FBXO11: variants seen among roughly 807,000 people sequenced by gnomAD.
FBXO11 encodes the protein F-box only protein 11.
In FBXO11, 13 loss-of-function variants were observed where a neutral mutation model predicts 117.0. The ratio of observed to expected loss-of-function variants is 0.11; its 90% CI spans 0.07 to 0.18. The LOEUF is 0.18. Ranked by LOEUF, FBXO11 falls within the 10% of genes least tolerant of loss-of-function variation. The pLI, the probability that FBXO11 is intolerant of heterozygous loss-of-function variation, is 1.00. For synonymous variants in FBXO11, 490 were observed against 380.5 expected, an observed-to-expected ratio of 1.29 and a Z score of -3.35; for missense variants, 767 against 1,164.4, an observed-to-expected ratio of 0.66 and a Z score of 4.97.
intron 1 of FBXO11, among the ~76,000 whole-genome samples, chr2:47,849,324 T>C (rs370879686): frequency 3.3e-5 from 5 of 152,372 alleles, no homozygotes; most frequent in East Asian, 3.8e-4. Context: ...GATTTTATAG[T>C]TACATTTTAA....
intron 4 of FBXO11, 81 bp downstream of exon 4, chr2:47,838,778 G>C: frequency 7.4e-7 from 1 of 1,347,696 alleles, no homozygotes; most frequent in Admixed American, 2.0e-5. Flanking sequence ...CCAACTCACC[G>C]CACCGACTTT....
Position 47,892,821 on chromosome 2 carries a change from T to C in FBXO11, c.232+12668A>G, listed in dbSNP as rs189235572. 5.9e-3 allele frequency among the ~76,000 whole-genome samples: 905 copies of C among 152,262 alleles called. 7 individuals carry two copies. Among genetic ancestry groups the C allele is most frequent in the African/African-American group, 0.021 (866 of 41,560 alleles). On this transcript the variant is annotated intron_variant, in intron 1 of 22. Coordinates refer to ENST00000403359, the MANE Select transcript of FBXO11 (RefSeq NM_001190274.2). ...GCTAATACCACAAAAGCAAGATTAA[T>C]AACCCCAACTCTGCAGTTAATTTTC...
Position 47,822,320 on chromosome 2 carries a change from T to TAA in FBXO11, c.1617-19_1617-18dup. 1.3e-6 allele frequency: 2 copies of TAA among 1,493,634 alleles called. No individual in the cohort carries two copies. Among genetic ancestry groups the TAA allele is most frequent in the Non-Finnish European group, 1.8e-6 (2 of 1,095,714 alleles). The allele number at this position is 1,493,634 out of a possible 1,614,324, so 92.5% of individuals were successfully genotyped here. On this transcript the variant is annotated splice_polypyrimidine_tract_variant and intron_variant, in intron 12 of 22. Transcript: ENST00000403359. ...GAATTTCCCCTATAATTATGCGAAATAAAAAAAAAGAAGACATCTATTCAG... is the reference window on the plus strand; with the variant it reads ...GAATTTCCCCTATAATTATGCGAAATAAAAAAAAAAAGAAGACATCTATTCAG...
At chr2:47,808,733 A>G in intron 21 of FBXO11, 1 of 329,210 alleles carries the variant, frequency 3.0e-6, no homozygotes, top group South Asian at 7.3e-5. Flanking sequence ...CAAAACTGTC[A>G]CAGTGACTGG....
chr2:47,882,601 G>A (rs1160730576), intron 1 of FBXO11, among the ~76,000 whole-genome samples: 6 of 152,044 alleles, frequency 3.9e-5, no homozygotes, highest in African/African-American at 1.4e-4. Flanking sequence ...CTCTTATTAT[G>A]TTTTCCTTGG....
chr2:47,846,996 G>T (rs1673469341), intron 1 of FBXO11, among the ~76,000 whole-genome samples: 2 of 152,160 alleles, frequency 1.3e-5, no homozygotes, highest in Admixed American at 6.5e-5. Context: ...TGTAATCCCT[G>T]CACTTTAGGA....
intron 16 of FBXO11, among the ~76,000 whole-genome samples, chr2:47,818,167 T>C (rs539418637): frequency 1.3e-5 from 2 of 152,162 alleles, no homozygotes; most frequent in Admixed American, 1.3e-4. Flanking sequence ...GACATAATGA[T>C]AATGAAAAAA....
chr2:47,848,299 T>G (rs750350766), intron 1 of FBXO11, among the ~76,000 whole-genome samples: 33 of 152,308 alleles, frequency 2.2e-4, no homozygotes, highest in South Asian at 1.0e-3. Context: ...GAGCTCCGCC[T>G]CCTGTCAGAT....
intron 19 of FBXO11, chr2:47,809,913 C>T (rs369189630): frequency 3.7e-5 from 20 of 540,040 alleles, no homozygotes; most frequent in East Asian, 1.8e-4. Context: ...AATTAACTTT[C>T]GCACCAACCT....
intron 4 of FBXO11, among the ~76,000 whole-genome samples, chr2:47,837,897 CTT>C (rs1357611900): frequency 2.0e-5 from 3 of 151,878 alleles, no homozygotes; most frequent in African/African-American, 7.3e-5. Context: ...CACCTGGCCT[CTT>C]TTCACTTTTT....
chr2:47,855,378 T>C (rs1378669642), intron 1 of FBXO11, among the ~76,000 whole-genome samples: 1 of 152,138 alleles, frequency 6.6e-6, no homozygotes, highest in Non-Finnish European at 1.5e-5. Context: ...AGATGGGGTC[T>C]CACCATGTTC....
Position 47,835,988 on chromosome 2 carries a change from T to C in FBXO11, c.601A>G (p.Met201Val). 2 of 1,599,942 alleles carry C rather than the reference T, an allele frequency of 1.3e-6. No individual in the cohort carries two copies. The highest frequency in any genetic ancestry group is 1.7e-6 in the Non-Finnish European group (2 of 1,173,318). The part of the protein sequence containing the change: ...NDPILWKRLY[M>V]EVFEYTRPMM... ...GGGCGAGTATATTCAAATACTTCCATATATAATCGTTTCCTGAACAGAGAA... is the reference window on the plus strand; with the variant it reads ...GGGCGAGTATATTCAAATACTTCCACATATAATCGTTTCCTGAACAGAGAA... The change falls in exon 5 of 23, where the codon ATG becomes GTG. Residue 201 changes from methionine to valine, a missense_variant. By Grantham distance (21) the Met-to-Val change is conservative. Coordinates refer to ENST00000403359, the MANE Select transcript of FBXO11 (RefSeq NM_001190274.2).
chr2:47,889,592 C>T (rs1219608362), intron 1 of FBXO11, among the ~76,000 whole-genome samples: 1 of 151,442 alleles, frequency 6.6e-6, no homozygotes, highest in Non-Finnish European at 1.5e-5. Flanking sequence ...TACTTATTCC[C>T]AAACACATTC....
intron 1 of FBXO11, among the ~76,000 whole-genome samples, chr2:47,894,987 T>G (rs932493725): frequency 5.9e-5 from 9 of 152,130 alleles, no homozygotes; most frequent in Non-Finnish European, 1.2e-4. Flanking sequence ...TAAAATAAAA[T>G]AATTTCCAAT....
At chr2:47,822,324 A>G in intron 12 of FBXO11, 21 bp from the exon 13 acceptor site, 1 of 1,481,954 alleles carries the variant, frequency 6.7e-7, no homozygotes, top group Non-Finnish European at 9.3e-7. Context: ...GCGAAATAAA[A>G]AAAAAGAAGA....
chr2:47,808,412 G>A lies in FBXO11; in HGVS notation c.2571C>T (p.Asn857=). ...MHDFYRCHTC[N]TTDRNAICVN... is the part of the protein sequence containing the mutation. ...CACATATGGCATTTCGATCTGTGGT[G>A]TTACAAGTATGACATCTAAAAAGCA... is the stretch of plus-strand genomic sequence containing the variant. The change falls in exon 22 of 23, where the codon AAC becomes AAT. Residue 857 remains asparagine (N), a synonymous_variant. Coordinates refer to ENST00000403359, the MANE Select transcript of FBXO11 (RefSeq NM_001190274.2). The A allele has an allele frequency of 6.3e-7, 1 of 1,595,420 alleles. No individual in the cohort carries two copies. Among genetic ancestry groups the A allele is most frequent in the East Asian group, 2.2e-5 (1 of 44,706 alleles).
At chr2:47,884,753 G>GCATT (rs1314185984) in intron 1 of FBXO11, among the ~76,000 whole-genome samples, 3 of 152,126 alleles carry the variant, frequency 2.0e-5, no homozygotes, top group Non-Finnish European at 2.9e-5. Flanking sequence ...GATTATTGAT[G>GCATT]CATTATAATT....
intron 1 of FBXO11, among the ~76,000 whole-genome samples, chr2:47,886,880 A>C (rs377290902): frequency 1.1e-4 from 17 of 152,346 alleles, no homozygotes; most frequent in African/African-American, 4.1e-4. Context: ...ACCAAAAAAA[A>C]AATTAAAAAT....
Position 47,806,964 on chromosome 2 carries a change from A to G in FBXO11, c.*1154T>C. ...ATTTTTTAAAAATGACCATTTTTCC[A>G]TTTTCTTTCTAGGAAATTAAACCCT... On this transcript the variant is annotated 3_prime_UTR_variant, in exon 23 of 23. Coordinates refer to ENST00000403359, the MANE Select transcript of FBXO11 (RefSeq NM_001190274.2). The G allele has an allele frequency of 1.1e-6, 1 of 915,124 alleles. No individual in the cohort carries two copies. The highest frequency in any genetic ancestry group is 1.7e-6 in the Non-Finnish European group (1 of 573,264). 56.7% of individuals were successfully genotyped at this position (915,124 alleles called of 1,614,324 possible).
Sources: allele counts gnomAD v4.1 joint callset (sites outside exome capture counted in the v4.1 genomes callset), GRCh38; gene constraint gnomAD v4.1.1; transcripts MANE v1.5; gene names NCBI Gene and HGNC (gene_info 2026-07-23, HGNC 2026-07-21).